RIPOR3: variants seen among roughly 807,000 people sequenced by gnomAD.
RIPOR3 encodes the protein RIPOR family member 3, also known as family with sequence similarity 65 member C.
A neutral mutation model predicts 114.3 loss-of-function variants in RIPOR3; 95 were observed. That is an observed-to-expected ratio of 0.83 (90% CI 0.70 to 0.99). The LOEUF is 0.99. RIPOR3 is among the 50% of genes least tolerant of loss of function. The pLI is 0.00. For synonymous variants in RIPOR3, 575 were observed against 543.8 expected, an observed-to-expected ratio of 1.06 and a Z score of -0.80; for missense variants, 1,252 against 1,266.9, an observed-to-expected ratio of 0.99 and a Z score of 0.18.
intron 1 of RIPOR3, among the ~76,000 whole-genome samples, chr20:50,680,254 C>T (rs932040204): frequency 2.0e-5 from 3 of 152,198 alleles, no homozygotes; most frequent in South Asian, 2.1e-4. Context: ...TTACGGCCAG[C>T]GGGGCCCACT....
At chr20:50,617,934 T>C (rs1237286819) in intron 3 of RIPOR3, among the ~76,000 whole-genome samples, 2 of 152,058 alleles carry the variant, frequency 1.3e-5, no homozygotes, top group African/African-American at 4.8e-5. Flanking sequence ...AACTTTTACT[T>C]GACTCTGGTT....
chr20:50,636,007 C>T (rs1160590317), intron 1 of RIPOR3, among the ~76,000 whole-genome samples: 2 of 152,260 alleles, frequency 1.3e-5, no homozygotes, highest in African/African-American at 2.4e-5. Context: ...CAGGGTGTTG[C>T]AGCCCCAGCC....
intron 1 of RIPOR3, among the ~76,000 whole-genome samples, chr20:50,666,836 A>G (rs2086264407): frequency 6.6e-6 from 1 of 152,180 alleles, no homozygotes. Flanking sequence ...CTGGGATTAC[A>G]GGCGTGAGTC....
chr20:50,636,990 G>T, intron 1 of RIPOR3: 1 of 891,718 alleles, frequency 1.1e-6, no homozygotes, highest in Non-Finnish European at 1.3e-6. Context: ...GTTTATAGGA[G>T]TTTCCAAAAT....
In RIPOR3 at chr20:50,602,154, T is replaced by A. The variant is rs144244193; in HGVS notation, c.1577A>T (p.Glu526Val). 2 of 1,612,618 alleles carry A rather than the reference T, an allele frequency of 1.2e-6. No individual in the cohort carries two copies. The highest frequency in any genetic ancestry group is 1.7e-6 in the Non-Finnish European group (2 of 1,179,638). ...GGTGGAGTCCGTGGGCCTCAGCAAC[T>A]CCAGGACCTCCTGCAGAGGCCCCTC... is the stretch of plus-strand genomic sequence containing the variant. ...ALEGPLQEVLELLRPTDSTQP... is the reference protein window; with the variant it reads ...ALEGPLQEVLVLLRPTDSTQP... The change falls in exon 13 of 22, where the codon GAG (glutamate) becomes GTG (valine). Residue 526 changes from glutamate (E) to valine (V), a missense_variant. By Grantham distance (121) the Glu-to-Val change is moderately radical (BLOSUM62 -2). Transcript: ENST00000327979. The surrounding 1 kb of genome is among the most constrained non-coding windows in gnomAD (Gnocchi z 4.3).
In RIPOR3 at chr20:50,641,024, C is replaced by T. The variant is rs189818320; in HGVS notation, c.4-10168G>A. On this transcript the variant is annotated intron_variant, in intron 1 of 21. Coordinates refer to ENST00000327979, the MANE Select transcript of RIPOR3 (RefSeq NM_001290268.2). ...TCCTGGGTTCAAGCAATTCTCCTGC[C>T]TCAGCCTCCTGAGTAGCTGGGATTA... is the stretch of plus-strand genomic sequence containing the variant. 6.7e-3 allele frequency among the ~76,000 whole-genome samples: 1,014 copies of T among 151,946 alleles called. 9 individuals are homozygous for T. The highest frequency in any genetic ancestry group is 0.01 in the Non-Finnish European group (693 of 67,934).
chr20:50,596,481 A>G (rs2083295593), intron 14 of RIPOR3, among the ~76,000 whole-genome samples: 1 of 152,216 alleles, frequency 6.6e-6, no homozygotes, highest in Non-Finnish European at 1.5e-5. Context: ...CAGGGCGGGC[A>G]GTCGTCTTCC....
At chr20:50,624,177 C>A (rs2084532545) in intron 2 of RIPOR3, among the ~76,000 whole-genome samples, 1 of 152,194 alleles carries the variant, frequency 6.6e-6, no homozygotes, top group African/African-American at 2.4e-5. Flanking sequence ...TTCCAAAGCC[C>A]ACAGGGGCTG....
At chr20:50,676,898 C>T (rs1017226168) in intron 1 of RIPOR3, among the ~76,000 whole-genome samples, 2 of 151,158 alleles carry the variant, frequency 1.3e-5, no homozygotes, top group Non-Finnish European at 2.9e-5. Flanking sequence ...GCCACCCACA[C>T]CCAGCCCAGA....
In RIPOR3 at chr20:50,679,752, G is replaced by C. The variant is rs138736088; in HGVS notation, c.3+11374C>G. 6.6e-3 allele frequency among the ~76,000 whole-genome samples: 934 copies of C among 141,514 alleles called. 7 individuals carry two copies. Among genetic ancestry groups the C allele is most frequent in the African/African-American group, 0.023 (894 of 38,772 alleles). The allele number at this position is 141,514 out of a possible 152,430, so 92.8% of individuals were successfully genotyped here. Reference sequence around the variant, plus strand: ...CCACTGCACTCGGGCCTGGGCAATAGAGTGAGACTCTGTCTCAAAAAAAAA... The same window carrying C: ...CCACTGCACTCGGGCCTGGGCAATACAGTGAGACTCTGTCTCAAAAAAAAA... On this transcript the variant is annotated intron_variant, in intron 1 of 21. Coordinates refer to ENST00000327979, the MANE Select transcript of RIPOR3 (RefSeq NM_001290268.2).
intron 2 of RIPOR3, among the ~76,000 whole-genome samples, chr20:50,625,235 T>C (rs2084575358): frequency 6.6e-6 from 1 of 152,186 alleles, no homozygotes; most frequent in Admixed American, 6.5e-5. Context: ...TACACTCGGC[T>C]AATTTTTTGT....
At chr20:50,598,781 T>C (rs1568830604) in intron 13 of RIPOR3, among the ~76,000 whole-genome samples, 1 of 151,942 alleles carries the variant, frequency 6.6e-6, no homozygotes, top group Non-Finnish European at 1.5e-5. Flanking sequence ...GGCACAGACC[T>C]GTAGCCTCAG....
chr20:50,683,847 A>G (rs571947221), intron 1 of RIPOR3, among the ~76,000 whole-genome samples: 2 of 152,126 alleles, frequency 1.3e-5, no homozygotes, highest in South Asian at 4.2e-4. Flanking sequence ...TTGGGAGGCC[A>G]AGGCAGGTGG....
At chr20:50,611,269 G>C in intron 4 of RIPOR3, 65 bp from the exon 5 acceptor site, 1 of 1,608,684 alleles carries the variant, frequency 6.2e-7, no homozygotes, top group East Asian at 2.2e-5. Context: ...CAAGGCCTAT[G>C]AGGCTCTATG....
chr20:50,676,528 T>G (rs774313045), intron 1 of RIPOR3, among the ~76,000 whole-genome samples: 1 of 152,122 alleles, frequency 6.6e-6, no homozygotes, highest in Non-Finnish European at 1.5e-5. Flanking sequence ...GGTGCATGCC[T>G]GTGGTCCCAG....
rs766265632 is a variant in RIPOR3 at position 50,691,109 on chromosome 20, A to T, written c.3+17T>A. 2 of 1,289,366 alleles carry T rather than the reference A, an allele frequency of 1.6e-6. No homozygotes were observed. Among genetic ancestry groups the T allele is most frequent in the Non-Finnish European group, 2.0e-6 (2 of 988,858 alleles). 79.9% of individuals were successfully genotyped at this position (1,289,366 alleles called of 1,614,324 possible). A position where few individuals can be genotyped will look rare whatever the true frequency, so the allele number is the denominator to read the frequency against. On this transcript the variant is annotated intron_variant, in intron 1 of 21. Coordinates refer to ENST00000327979, the MANE Select transcript of RIPOR3 (RefSeq NM_001290268.2). ...CGGCGTCACGGCACACATGGGGAGC[A>T]GTCACTTCACACTCACCATCGAGCA...
intron 20 of RIPOR3, among the ~76,000 whole-genome samples, chr20:50,589,337 TTGC>T: frequency 6.6e-6 from 1 of 151,548 alleles, no homozygotes; most frequent in East Asian, 2.0e-4. Flanking sequence ...AGATGGAGTC[TTGC>T]TCTGTCACCC....
chr20:50,642,011 C>T (rs915382307), intron 1 of RIPOR3, among the ~76,000 whole-genome samples: 3 of 152,178 alleles, frequency 2.0e-5, no homozygotes, highest in Non-Finnish European at 4.4e-5. Context: ...ACACCCACCC[C>T]CTTCTGCTTC....
At chr20:50,662,671 G>A (rs536484317) in intron 1 of RIPOR3, among the ~76,000 whole-genome samples, 3 of 152,328 alleles carry the variant, frequency 2.0e-5, no homozygotes, top group East Asian at 3.9e-4. Flanking sequence ...CCACAGGGGT[G>A]TCCACTGGAC....
Sources: gnomAD v4.1 joint callset for allele counts (sites outside exome capture counted in the v4.1 genomes callset) on GRCh38, gnomAD v4.1.1 for gene constraint, Gnocchi (gnomAD v3.1) non-coding constraint, MANE v1.5 for transcripts, NCBI Gene and HGNC (gene_info 2026-07-23, HGNC 2026-07-21) for gene names.